Variants in TRIM22 observed in about 807,000 individuals in gnomAD.
The protein encoded by TRIM22 is tripartite motif containing 22.
TRIM22 carries 45 observed loss-of-function variants against 53.6 expected under a neutral mutation model. That is an observed-to-expected ratio of 0.84 (90% confidence interval 0.66 to 1.08). The LOEUF is 1.08. Among genes scored for constraint, TRIM22 ranks in the 50% least tolerant of loss-of-function variants. The pLI is 0.00. For synonymous variants in TRIM22, 225 were observed against 216.6 expected, an observed-to-expected ratio of 1.04 and a Z score of -0.34; for missense variants, 616 against 590.9, an observed-to-expected ratio of 1.04 and a Z score of -0.44.
chr11:5,706,067 C>G (rs145716829), intron 4 of TRIM22, among the ~76,000 whole-genome samples: 3 of 152,106 alleles, frequency 2.0e-5, no homozygotes, highest in Non-Finnish European at 4.4e-5. Context: ...ATAGGGCAAA[C>G]GTATTTCGCT....
At chr11:5,693,305 T>G (rs1461924313) in intron 1 of TRIM22, among the ~76,000 whole-genome samples, 2 of 151,610 alleles carry the variant, frequency 1.3e-5, no homozygotes, top group African/African-American at 2.4e-5. Context: ...CACCGTGTCA[T>G]AGAAACTTCT....
intron 5 of TRIM22, 118 bp from the exon 6 acceptor site, chr11:5,708,055 C>T: frequency 1.3e-6 from 1 of 764,548 alleles, no homozygotes; most frequent in Non-Finnish European, 2.2e-6. Flanking sequence ...CTCTACTGTC[C>T]TCAGGGAAGA....
rs1008066365 is a variant in TRIM22, at chr11:5,699,904, T to G, written c.750+1359T>G. Among the ~76,000 whole-genome samples the G allele has an allele frequency of 1.1e-4, 16 of 151,996 alleles. No individual in the cohort carries two copies. The East Asian group carries it at 3.1e-3, about 29-fold the overall frequency. ...TTACTTTTGGTGCTATTGTAATTTT[T>G]TTTTTATTTCAAATTTCAATTCTTC... On this transcript the variant is annotated intron_variant, in intron 4 of 7. Transcript: ENST00000379965.
rs1342638182 is a variant in TRIM22, at chr11:5,695,713, A to ATT, written c.-66-454_-66-453insTT. ...TGATGCTATGTAAATACAATTCAAT[A>ATT]GCTTAAAAATATGCAAATATTCATG... On this transcript the variant is annotated intron_variant, in intron 1 of 7. Coordinates refer to ENST00000379965, the MANE Select transcript of TRIM22 (RefSeq NM_006074.5). 3.3e-5 allele frequency among the ~76,000 whole-genome samples: 5 copies of ATT among 152,312 alleles called. No individual in the cohort carries two copies. The East Asian group carries it at 9.6e-4, about 29-fold the overall frequency.
rs1853492991 is a variant in TRIM22 at position 5,708,201 on chromosome 11, A to C, written c.802A>C (p.Lys268Gln). 6.2e-7 allele frequency: 1 copy of C among 1,614,242 alleles called. No homozygotes were observed. The highest frequency in any genetic ancestry group is 8.5e-7 in the Non-Finnish European group (1 of 1,180,046). Reference sequence around the variant, plus strand: ...TGAAAGCTGGACATTGAAGAAGCCAAAATCTGTTTCCAAGAAACTAAAGAG... The same window carrying C: ...TGAAAGCTGGACATTGAAGAAGCCACAATCTGTTTCCAAGAAACTAAAGAG... ...RSESWTLKKP[K>Q]SVSKKLKSVF... Residue 268 changes from lysine (K) to glutamine (Q), a missense_variant, in exon 6 of 8, where the codon AAA becomes CAA. Transcript: ENST00000379965.
chr11:5,707,626 A>G (rs1157245855), intron 5 of TRIM22, among the ~76,000 whole-genome samples: 1 of 152,180 alleles, frequency 6.6e-6, no homozygotes, highest in Non-Finnish European at 1.5e-5. Flanking sequence ...CCTGGCCAAC[A>G]TGGTGAAACC....
rs1283609641 is a variant in TRIM22 at position 5,709,728 on chromosome 11, T to C, written c.*80T>C. ...ATTCTGCACCTGAGTTCATCTCTAC[T>C]GAGACCATCTCTTCCTTTCTTTCCC... is the stretch of plus-strand genomic sequence containing the variant. On this transcript the variant is annotated 3_prime_UTR_variant, in exon 8 of 8. Coordinates refer to ENST00000379965, the MANE Select transcript of TRIM22 (RefSeq NM_006074.5). 1.7e-6 allele frequency: 2 copies of C among 1,188,840 alleles called. No individual in the cohort carries two copies. The highest frequency in any genetic ancestry group is 2.4e-6 in the Non-Finnish European group (2 of 843,040). 73.6% of individuals were successfully genotyped at this position (1,188,840 alleles called of 1,614,324 possible). A position where few individuals can be genotyped will look rare whatever the true frequency, so the allele number is the denominator to read the frequency against.
chr11:5,697,344 G>A lies in TRIM22; in HGVS notation c.519+1G>A. 2 of 1,611,232 alleles carry A rather than the reference G, an allele frequency of 1.2e-6. No individual in the cohort carries two copies. Among genetic ancestry groups the A allele is most frequent in the Non-Finnish European group, 8.5e-7 (1 of 1,178,452 alleles). ...CAGACAAGAGAGAACCGCCTGGAAGGCAGGAGGAGACACCTCCTAAGGGAT... is the reference window on the plus strand; with the variant it reads ...CAGACAAGAGAGAACCGCCTGGAAGACAGGAGGAGACACCTCCTAAGGGAT... On this transcript the variant is annotated splice_donor_variant, in intron 3 of 7. Transcript: ENST00000379965. LOFTEE classifies it high-confidence loss of function.
chr11:5,697,024 G>T (rs1369656409), intron 2 of TRIM22: 1 of 520,816 alleles, frequency 1.9e-6, no homozygotes, highest in Admixed American at 3.7e-5. Flanking sequence ...TCTAGGAAAA[G>T]AATCAGGCTA....
intron 3 of TRIM22, chr11:5,697,632 C>T (rs1023135857): frequency 3.0e-6 from 1 of 332,698 alleles, no homozygotes; most frequent in Non-Finnish European, 5.5e-6. Flanking sequence ...AGGCTCCAAT[C>T]CTTCCAGTAA....
chr11:5,695,887 G>A (rs16934583), intron 1 of TRIM22, among the ~76,000 whole-genome samples: 2,624 of 152,222 alleles, frequency 0.017, 90 homozygotes, highest in African/African-American at 0.059. Flanking sequence ...TGGGTTACAC[G>A]AAGCTCTTGG....
In TRIM22 at chr11:5,696,211, AG is replaced by A. The variant is rs1181053730; in HGVS notation, c.-20del. On this transcript the variant is annotated 5_prime_UTR_variant, in exon 2 of 8. Transcript: ENST00000379965. Reference sequence around the variant, plus strand: ...CAAGAACTTCAAGAGTCAAGACAGAAGGAAGCCAAGGGAGCAGTGCAATGGA... The same window carrying A: ...CAAGAACTTCAAGAGTCAAGACAGAAGAAGCCAAGGGAGCAGTGCAATGGA... 1.3e-6 allele frequency: 2 copies of A among 1,579,078 alleles called. No homozygotes were observed. The highest frequency in any genetic ancestry group is 1.4e-5 in the African/African-American group (1 of 74,046).
intron 1 of TRIM22, among the ~76,000 whole-genome samples, chr11:5,691,933 C>A (rs1380564030): frequency 6.6e-6 from 1 of 151,508 alleles, no homozygotes; most frequent in South Asian, 2.1e-4. Flanking sequence ...AGTACAGGAC[C>A]CAATAAATAA....
Position 5,709,898 on chromosome 11 carries a change from T to C in TRIM22, c.*250T>C. 1 of 479,838 alleles carries C rather than the reference T, an allele frequency of 2.1e-6. No individual in the cohort carries two copies. The highest frequency in any genetic ancestry group is 3.6e-5 in the Admixed American group (1 of 27,434). The allele number at this position is 479,838 out of a possible 1,614,324, so 29.7% of individuals were successfully genotyped here. ...AGATTCCAGCAGAGTTGGTTCTTTC[T>C]GAGGTCTGCAAGGAAGGGCTCTGTT... On this transcript the variant is annotated 3_prime_UTR_variant, in exon 8 of 8. Transcript: ENST00000379965.
rs1853516680 is a variant in TRIM22, at chr11:5,709,217, T to C, written c.1066T>C (p.Tyr356His). 6.2e-7 allele frequency: 1 copy of C among 1,614,084 alleles called. No individual in the cohort carries two copies. Among genetic ancestry groups the C allele is most frequent in the African/African-American group, 1.3e-5 (1 of 74,926 alleles). ...CCAATATTTCTCTTCGGGGAAATAT[T>C]ACTGGGAAGTAGATGTGTCTGGAAA... ...GCQYFSSGKY[Y>H]WEVDVSGKIA... is the part of the protein sequence containing the mutation. Residue 356 changes from tyrosine to histidine, a missense_variant, in exon 8 of 8, where the codon TAC becomes CAC. Coordinates refer to ENST00000379965, the MANE Select transcript of TRIM22 (RefSeq NM_006074.5).
At chr11:5,700,584 C>CTTTTTTTTTTTTTTTT (rs756680023) in intron 4 of TRIM22, among the ~76,000 whole-genome samples, 1 of 29,926 alleles carries the variant, frequency 3.3e-5, no homozygotes, top group Non-Finnish European at 6.5e-5. Flanking sequence ...CTATAGGAGT[C>CTTTTTTTTTTTTTTTT]TTTTTTTTTT....
intron 1 of TRIM22, among the ~76,000 whole-genome samples, chr11:5,693,578 C>G (rs1261812133): frequency 6.6e-6 from 1 of 151,706 alleles, no homozygotes; most frequent in Non-Finnish European, 1.5e-5. Context: ...AAAAAATCAC[C>G]CGGGTGTGGT....
chr11:5,693,994 G>A (rs1564939320), intron 1 of TRIM22, among the ~76,000 whole-genome samples: 1 of 152,158 alleles, frequency 6.6e-6, no homozygotes, highest in Admixed American at 6.5e-5. Context: ...GCTTATAGGT[G>A]CATCACCCTG....
chr11:5,708,650 T>A, intron 7 of TRIM22, 47 bp downstream of exon 7: 1 of 1,559,768 alleles, frequency 6.4e-7, no homozygotes, highest in Non-Finnish European at 8.8e-7. Flanking sequence ...AGAATTGTGG[T>A]TACTATTAGA....
Sources: allele counts gnomAD v4.1 joint callset (sites outside exome capture counted in the v4.1 genomes callset), GRCh38; gene constraint gnomAD v4.1.1; transcripts MANE v1.5; gene names NCBI Gene and HGNC (gene_info 2026-07-23, HGNC 2026-07-21).